SGCE: variants seen among roughly 807,000 people sequenced by gnomAD.
SGCE encodes sarcoglycan epsilon.
A neutral mutation model predicts 57.8 loss-of-function variants in SGCE; 26 were observed. The ratio of observed to expected loss-of-function variants is 0.45; its 90% CI spans 0.33 to 0.62. The LOEUF is 0.62. SGCE is among the 20% of genes least tolerant of loss of function. SGCE has a pLI of 0.02. For missense variants in SGCE, 468 were observed against 548.6 expected (o/e 0.85, Z 1.47); for synonymous variants, 183 against 189.5 (o/e 0.97, Z 0.28).
intron 9 of SGCE, among the ~76,000 whole-genome samples, chr7:94,594,108 A>T (rs1191411640): frequency 6.6e-6 from 1 of 151,980 alleles, no homozygotes; most frequent in Non-Finnish European, 1.5e-5. Flanking sequence ...TTGGAATTAA[A>T]TTTTTTTCAT....
At chr7:94,652,672 T>C (rs1240241241) in intron 1 of SGCE, among the ~76,000 whole-genome samples, 3 of 152,160 alleles carry the variant, frequency 2.0e-5, no homozygotes, top group Non-Finnish European at 4.4e-5. Context: ...CACCATACTA[T>C]AGGATAAGTA....
intron 1 of SGCE, among the ~76,000 whole-genome samples, chr7:94,642,297 T>G (rs1806501670): frequency 6.6e-6 from 1 of 152,166 alleles, no homozygotes; most frequent in African/African-American, 2.4e-5. Flanking sequence ...TAAATCCAGA[T>G]GAATAATACA....
chr7:94,604,611 A>G (rs1243236472), intron 5 of SGCE, among the ~76,000 whole-genome samples: 1 of 151,638 alleles, frequency 6.6e-6, no homozygotes, highest in African/African-American at 2.4e-5. Context: ...TTATCATCAC[A>G]GGTACCAAGA....
At chr7:94,599,622 C>T (rs1179267732) in intron 8 of SGCE, 75 bp downstream of exon 8, 2 of 1,105,396 alleles carry the variant, frequency 1.8e-6, no homozygotes, top group East Asian at 2.4e-5. Flanking sequence ...GCTTGACACA[C>T]ATGTATGGAG....
intron 7 of SGCE, 90 bp from the exon 8 acceptor site, chr7:94,599,813 G>A (rs956222403): frequency 3.1e-6 from 3 of 966,264 alleles, no homozygotes; most frequent in African/African-American, 1.6e-5. Flanking sequence ...GCATGATGTG[G>A]AAATGCTGAC....
chr7:94,590,926 A>G (rs1286745234), intron 9 of SGCE: 3 of 152,192 alleles, frequency 2.0e-5, no homozygotes. Flanking sequence ...CTCTTAATCT[A>G]TAGGTAACAC....
intron 2 of SGCE, 38 bp from the exon 3 acceptor site, chr7:94,628,397 A>G (rs775754888): frequency 6.6e-7 from 1 of 1,517,118 alleles, no homozygotes. Flanking sequence ...TAAGACAGTT[A>G]TTTTCACACA....
At chr7:94,628,396 T>C in intron 2 of SGCE, 37 bp from the exon 3 acceptor site, 1 of 1,525,260 alleles carries the variant, frequency 6.6e-7, no homozygotes, top group Non-Finnish European at 9.1e-7. Context: ...ATAAGACAGT[T>C]ATTTTCACAC....
chr7:94,650,777 T>C (rs1458284839), intron 1 of SGCE, among the ~76,000 whole-genome samples: 2 of 152,224 alleles, frequency 1.3e-5, no homozygotes, highest in Non-Finnish European at 2.9e-5. Context: ...TGTTGAAATC[T>C]ATCTGTACCT....
intron 3 of SGCE, chr7:94,625,704 A>G (rs1038765611): frequency 2.6e-5 from 4 of 152,044 alleles, no homozygotes; most frequent in African/African-American, 9.7e-5. Flanking sequence ...ACACTTATCC[A>G]TATTGCTGGG....
chr7:94,607,463 A>T (rs796889126), intron 5 of SGCE, among the ~76,000 whole-genome samples: 11 of 152,354 alleles, frequency 7.2e-5, no homozygotes, highest in African/African-American at 2.6e-4. Context: ...ACAATGATCA[A>T]CTGGGACTTT....
rs753143823 is a variant in SGCE, at chr7:94,599,696, C to A, written c.1064+1G>T. 6.2e-7 allele frequency: 1 copy of A among 1,609,540 alleles called. No homozygotes were observed. The highest frequency in any genetic ancestry group is 1.1e-5 in the South Asian group (1 of 90,992). ...AAAATAACAGGAAAGAAGACACTTA[C>A]TCTGGTGTTTGCATGTTTCTCTTTT... On this transcript the variant is annotated splice_donor_variant, in intron 8 of 10. Coordinates refer to ENST00000648936, the MANE Select transcript of SGCE (RefSeq NM_003919.3). LOFTEE classifies it high-confidence loss of function.
At chr7:94,623,725 G>T in intron 3 of SGCE, 2 of 391,586 alleles carry the variant, frequency 5.1e-6, no homozygotes, top group South Asian at 1.3e-4. Context: ...TACCAGTGAT[G>T]TTCTAAGATT....
chr7:94,644,274 C>A (rs534190495), intron 1 of SGCE, among the ~76,000 whole-genome samples: 170 of 152,342 alleles, frequency 1.1e-3, no homozygotes, highest in Non-Finnish European at 1.7e-3. Flanking sequence ...CCTTCACCTT[C>A]CCTAGAAACC....
rs181309961 is a variant in SGCE, at chr7:94,591,645, C to T, written c.1254-2913G>A. ...ATGCCCCCCACTTCTCTTGTTGGCC[C>T]TCCCAACTGACCTTTCTGTGGAATT... On this transcript the variant is annotated intron_variant, in intron 9 of 10. Transcript: ENST00000648936. Among the ~76,000 whole-genome samples, 17 of 152,258 alleles carry T rather than the reference C, an allele frequency of 1.1e-4. No individual in the cohort carries two copies. In the East Asian group the frequency reaches 3.3e-3, roughly 29 times the overall value.
chr7:94,624,353 A>G (rs919724143), intron 3 of SGCE: 4 of 396,750 alleles, frequency 1.0e-5, no homozygotes, highest in Non-Finnish European at 1.8e-5. Flanking sequence ...GTGTCAAAAA[A>G]TAAGTTGCAG....
intron 9 of SGCE, 110 bp from the exon 10 acceptor site, chr7:94,588,842 G>T: frequency 8.4e-7 from 1 of 1,194,042 alleles, no homozygotes; most frequent in Non-Finnish European, 1.2e-6. Context: ...CCCCAGTCAT[G>T]TAATCCAGCA....
chr7:94,599,941 T>G (rs773864941), intron 7 of SGCE: 3 of 408,730 alleles, frequency 7.3e-6, no homozygotes, highest in Non-Finnish European at 1.3e-5. Flanking sequence ...ATGAAAAAAA[T>G]GGAGATTAAG....
chr7:94,655,978 C>T lies in SGCE; in HGVS notation c.109+12G>A. The T allele has an allele frequency of 3.2e-6, 5 of 1,554,274 alleles. No individual in the cohort carries two copies. The highest frequency in any genetic ancestry group is 4.4e-6 in the Non-Finnish European group (5 of 1,126,228). On this transcript the variant is annotated intron_variant, in intron 1 of 10. Transcript: ENST00000648936. The stretch of plus-strand genomic sequence containing the variant: ...GGCCCCGGGACCTCCACGTCGCGCG[C>T]AGGCCACTAACCTGTCAGCAAGAAT...
Sources: gnomAD v4.1 joint callset for allele counts (sites outside exome capture counted in the v4.1 genomes callset) on GRCh38, gnomAD v4.1.1 for gene constraint, MANE v1.5 for transcripts, NCBI Gene and HGNC (gene_info 2026-07-23, HGNC 2026-07-21) for gene names.